The following CCDC73 variants were observed in gnomAD, a reference collection of about 807,000 sequenced individuals.
CCDC73 encodes coiled-coil domain-containing protein 73.
CCDC73 carries 95 observed loss-of-function variants against 116.5 expected under a neutral mutation model. That is an observed-to-expected ratio of 0.82 (90% CI 0.69 to 0.97). CCDC73 has a LOEUF of 0.97. Ranked by LOEUF, CCDC73 falls within the 50% of genes least tolerant of loss-of-function variation. The pLI is 0.00. For synonymous variants in CCDC73, 398 were observed against 401.3 expected (o/e 0.99, Z 0.10); for missense variants, 1,066 against 1,206.8 (o/e 0.88, Z 1.73).
chr11:32,791,114 G>T (rs1005732058), intron 1 of CCDC73, among the ~76,000 whole-genome samples: 1 of 152,150 alleles, frequency 6.6e-6, no homozygotes. Flanking sequence ...TCTCATACAG[G>T]TTTTTCTTGT....
chr11:32,622,684 A>G (rs1164307795), intron 14 of CCDC73, among the ~76,000 whole-genome samples: 2 of 151,000 alleles, frequency 1.3e-5, no homozygotes, highest in East Asian at 1.9e-4. Context: ...AAAAAAAAAA[A>G]AAAGAAAGAA....
At chr11:32,738,984 T>C (rs751656810) in intron 2 of CCDC73, among the ~76,000 whole-genome samples, 1 of 152,192 alleles carries the variant, frequency 6.6e-6, no homozygotes, top group Non-Finnish European at 1.5e-5. Flanking sequence ...GGCACCTTTG[T>C]TGAAAATGAG....
intron 13 of CCDC73, among the ~76,000 whole-genome samples, chr11:32,638,469 C>G (rs1855701518): frequency 6.6e-6 from 1 of 151,978 alleles, no homozygotes; most frequent in Non-Finnish European, 1.5e-5. Context: ...CATGATTGTT[C>G]TATTTCTTTT....
At chr11:32,669,799 C>A (rs1856019750) in intron 9 of CCDC73, among the ~76,000 whole-genome samples, 1 of 152,158 alleles carries the variant, frequency 6.6e-6, no homozygotes, top group Admixed American at 6.5e-5. Context: ...GTATCTTATT[C>A]TTCTTCGTGG....
chr11:32,804,215 T>G, the CCDC73 span, among the ~76,000 whole-genome samples: 2 of 152,202 alleles, frequency 1.3e-5, no homozygotes, highest in South Asian at 4.1e-4. Flanking sequence ...CACAGCTCAC[T>G]GCAACATCTG....
At chr11:32,730,173 G>A (rs527847329) in intron 2 of CCDC73, among the ~76,000 whole-genome samples, 2 of 152,204 alleles carry the variant, frequency 1.3e-5, no homozygotes, top group Non-Finnish European at 2.9e-5. Context: ...ACAGAAGAAT[G>A]TTGTGGTAGA....
At chr11:32,733,183 TA>T (rs1850095583) in intron 2 of CCDC73, among the ~76,000 whole-genome samples, 1 of 152,210 alleles carries the variant, frequency 6.6e-6, no homozygotes, top group African/African-American at 2.4e-5. Context: ...GGCCATTATA[TA>T]ATGGCAAAGG....
chr11:32,720,059 A>G (rs1849977238), intron 2 of CCDC73, among the ~76,000 whole-genome samples: 1 of 152,144 alleles, frequency 6.6e-6, no homozygotes, highest in African/African-American at 2.4e-5. Context: ...TATCAGACCT[A>G]TTTACCATAA....
the CCDC73 span, among the ~76,000 whole-genome samples, chr11:32,826,090 G>A: frequency 2.0e-5 from 3 of 152,138 alleles, no homozygotes; most frequent in African/African-American, 7.2e-5. Flanking sequence ...TAGAATTAAA[G>A]TTCTGTTCAA....
chr11:32,748,305 T>C (rs2133364776), intron 2 of CCDC73, among the ~76,000 whole-genome samples: 1 of 152,338 alleles, frequency 6.6e-6, no homozygotes, highest in Admixed American at 6.5e-5. Context: ...CTTGTATGGT[T>C]TTCAATTTGA....
At chr11:32,825,320 T>A in the CCDC73 span, among the ~76,000 whole-genome samples, 2 of 82,548 alleles carry the variant, frequency 2.4e-5, no homozygotes, top group Non-Finnish European at 4.9e-5. Flanking sequence ...TTTTTTTTTT[T>A]AGATTGAGTT....
chr11:32,758,680 AT>A (rs1178729918), intron 2 of CCDC73: 1 of 230,922 alleles, frequency 4.3e-6, no homozygotes, highest in East Asian at 9.7e-5. Context: ...CTAATCTGAA[AT>A]TTTTCAGAAA....
chr11:32,715,740 A>T (rs1849939221), intron 3 of CCDC73, among the ~76,000 whole-genome samples: 1 of 152,224 alleles, frequency 6.6e-6, no homozygotes, highest in Non-Finnish European at 1.5e-5. Flanking sequence ...TTGTTCCAGG[A>T]AACCTTTGCC....
intron 3 of CCDC73, among the ~76,000 whole-genome samples, chr11:32,709,495 C>T (rs1849881358): frequency 6.6e-6 from 1 of 152,096 alleles, no homozygotes; most frequent in African/African-American, 2.4e-5. Flanking sequence ...TGGGGTGTTG[C>T]CATGTTGTCC....
At chr11:32,670,356 A>G (rs1212377486) in intron 9 of CCDC73, among the ~76,000 whole-genome samples, 1 of 152,104 alleles carries the variant, frequency 6.6e-6, no homozygotes, top group East Asian at 1.9e-4. Context: ...CCCCGTCTCT[A>G]CTAAAAATAC....
chr11:32,667,864 G>GA (rs1326816517), intron 9 of CCDC73, among the ~76,000 whole-genome samples: 1 of 152,140 alleles, frequency 6.6e-6, no homozygotes, highest in Non-Finnish European at 1.5e-5. Flanking sequence ...ATACAGGAGA[G>GA]AAAAAACTTA....
intron 6 of CCDC73, among the ~76,000 whole-genome samples, chr11:32,690,561 C>G (rs893930043): frequency 6.6e-6 from 1 of 152,066 alleles, no homozygotes; most frequent in African/African-American, 2.4e-5. Flanking sequence ...TAGCACCGTC[C>G]CCCTAGTGCT....
intron 3 of CCDC73, among the ~76,000 whole-genome samples, chr11:32,715,033 A>C (rs767334661): frequency 6.6e-6 from 1 of 152,084 alleles, no homozygotes; most frequent in South Asian, 2.1e-4. Flanking sequence ...GGCTCTTTAC[A>C]AAAAAAGCTT....
At chr11:32,665,355 A>C (rs1389155488) in intron 9 of CCDC73, among the ~76,000 whole-genome samples, 1 of 151,954 alleles carries the variant, frequency 6.6e-6, no homozygotes, top group Non-Finnish European at 1.5e-5. Flanking sequence ...TATTGGGTGC[A>C]TATATATTTA....
Sources: allele counts gnomAD v4.1 joint callset (sites outside exome capture counted in the v4.1 genomes callset), GRCh38; gene constraint gnomAD v4.1.1; transcripts MANE v1.5; gene names NCBI Gene and HGNC (gene_info 2026-07-23, HGNC 2026-07-21).